LSM7: variants seen among roughly 807,000 people sequenced by gnomAD.
LSM7 encodes LSM7 homolog, U6 small nuclear RNA and mRNA degradation associated.
A neutral mutation model predicts 14.1 loss-of-function variants in LSM7; 13 were observed. That is an observed-to-expected ratio of 0.92 (90% confidence interval 0.60 to 1.47). The LOEUF (loss-of-function observed/expected upper bound fraction) is 1.47, where lower values mean the gene tolerates loss of function less well. Ranked by LOEUF, LSM7 falls within the 40% of genes most tolerant of loss-of-function variation. LSM7 has a pLI of 0.00. For synonymous variants in LSM7, 70 were observed against 57.1 expected (o/e 1.23, Z -1.02); for missense variants, 108 against 140.8 (o/e 0.77, Z 1.18).
At chr19:2,326,107 C>T (rs947672171) in intron 2 of LSM7, 2 of 152,214 alleles carry the variant, frequency 1.3e-5, no homozygotes, top group African/African-American at 2.4e-5. Flanking sequence ...CCAAGGTGCC[C>T]CTCCTCTGGA....
intron 3 of LSM7, among the ~76,000 whole-genome samples, chr19:2,323,753 C>A (rs1049901793): frequency 6.6e-6 from 1 of 152,168 alleles, no homozygotes; most frequent in African/African-American, 2.4e-5. Context: ...TGCCTGGCCT[C>A]TCACGTCACC....
At chr19:2,326,017 G>A (rs1369482813) in intron 2 of LSM7, 1 of 152,224 alleles carries the variant, frequency 6.6e-6, no homozygotes, top group Non-Finnish European at 1.5e-5. Flanking sequence ...TCAGGTCCTT[G>A]GCACCAGCCT....
intron 2 of LSM7, 46 bp downstream of exon 2, chr19:2,328,341 T>G (rs1158967518): frequency 6.5e-7 from 1 of 1,533,774 alleles, no homozygotes; most frequent in East Asian, 2.3e-5. Context: ...GCTGGGTTTA[T>G]TTGAAATTTT....
rs563681827 is a variant in LSM7, at chr19:2,321,933, C to T, written c.170-111G>A. The T allele has an allele frequency of 2.2e-4, 234 of 1,054,128 alleles. No individual in the cohort carries two copies. The South Asian group carries it at 4.7e-3, about 21-fold the overall frequency. The allele number at this position is 1,054,128 out of a possible 1,614,324, so 65.3% of individuals were successfully genotyped here. ...CCCCACCTGCACCCTGCAGGCGCCA[C>T]GAGCACGCAGGGACCTCAGACGGGA... On this transcript the variant is annotated intron_variant, in intron 3 of 3. Coordinates refer to ENST00000252622, the MANE Select transcript of LSM7 (RefSeq NM_016199.3). The surrounding 1 kb of genome is among the most constrained non-coding windows in gnomAD (Gnocchi z 5.0).
At chr19:2,324,099 C>G (rs1302862073) in intron 3 of LSM7, 26 bp downstream of exon 3, 9 of 1,441,598 alleles carry the variant, frequency 6.2e-6, no homozygotes, top group Non-Finnish European at 8.3e-6. Flanking sequence ...CGTCCCGCTG[C>G]CTGCCTCGGC....
chr19:2,328,037 T>G lies in LSM7; in HGVS notation c.97+350A>C, dbSNP rs1968072679. ...GGCTCATGCCTGAAATCCCAGCAAT[T>G]TAGGGGGCTGAGGCAGGCAGATCGC... On this transcript the variant is annotated intron_variant, in intron 2 of 3. Transcript: ENST00000252622. 6 of 193,336 alleles carry G rather than the reference T, an allele frequency of 3.1e-5. No homozygotes were observed. The South Asian group carries it at 5.3e-4, about 17-fold the overall frequency. The allele number at this position is 193,336 out of a possible 1,614,324, so 12.0% of individuals were successfully genotyped here.
At chr19:2,323,612 A>G (rs991328030) in intron 3 of LSM7, among the ~76,000 whole-genome samples, 3 of 152,052 alleles carry the variant, frequency 2.0e-5, no homozygotes, top group Admixed American at 6.5e-5. Flanking sequence ...CACCACACCC[A>G]GCAATTTTTT....
chr19:2,328,421 C>T lies in LSM7; in HGVS notation c.63G>A (p.Lys21=). ...CTCCCTGGAACTTTACCCGGATCGT[C>T]TTGTCGATGTACTTGGACAAGTCCA... ...SILDLSKYID[K]TIRVKFQGGR... Residue 21 remains lysine, a synonymous_variant, in exon 2 of 4, where the codon AAG becomes AAA. Transcript: ENST00000252622. 6.2e-7 allele frequency: 1 copy of T among 1,613,982 alleles called. No individual in the cohort carries two copies. The highest frequency in any genetic ancestry group is 8.5e-7 in the Non-Finnish European group (1 of 1,179,890).
At chr19:2,328,042 G>A (rs1968073014) in intron 2 of LSM7, 1 of 200,702 alleles carries the variant, frequency 5.0e-6, no homozygotes. Context: ...GCAATTTAGG[G>A]GGCTGAGGCA....
chr19:2,325,524 G>A (rs1172576811), intron 2 of LSM7, among the ~76,000 whole-genome samples: 1 of 151,972 alleles, frequency 6.6e-6, no homozygotes, highest in African/African-American at 2.4e-5. Context: ...CACCAATCTC[G>A]GGAAGCAGGC....
At position 2,324,208 on chromosome 19, in the gene LSM7, C is replaced by A. The variant is rs1360362131; in HGVS notation, c.98-12G>T. The A allele has an allele frequency of 6.4e-7, 1 of 1,567,520 alleles. No homozygotes were observed. Among genetic ancestry groups the A allele is most frequent in the Admixed American group, 1.9e-5 (1 of 53,198 alleles). ...CAGGATTCCACTGGCTTGGAGAAAT[C>A]ACCGGGGGAGAGAAAAGAGAAGGCA... On this transcript the variant is annotated splice_polypyrimidine_tract_variant and intron_variant, in intron 2 of 3. Coordinates refer to ENST00000252622, the MANE Select transcript of LSM7 (RefSeq NM_016199.3).
At chr19:2,326,662 G>A (rs1043467077) in intron 2 of LSM7, among the ~76,000 whole-genome samples, 1 of 152,174 alleles carries the variant, frequency 6.6e-6, no homozygotes, top group African/African-American at 2.4e-5. Context: ...GTAGAGATGG[G>A]GTTTCGCCAT....
chr19:2,322,709 C>T (rs1967952788), intron 3 of LSM7, among the ~76,000 whole-genome samples: 1 of 152,034 alleles, frequency 6.6e-6, no homozygotes, highest in African/African-American at 2.4e-5. Flanking sequence ...ACCATGGGGC[C>T]CAGGTTTTTA....
intron 2 of LSM7, among the ~76,000 whole-genome samples, chr19:2,327,746 A>G (rs963486941): frequency 3.9e-5 from 6 of 152,214 alleles, no homozygotes; most frequent in African/African-American, 1.4e-4. Flanking sequence ...CCAGTTGTCT[A>G]CAATCCAGGG....
chr19:2,324,063 T>G, intron 3 of LSM7, 62 bp downstream of exon 3: 21 of 315,068 alleles, frequency 6.7e-5, no homozygotes, highest in Non-Finnish European at 1.1e-4. Flanking sequence ...CTCGTCCCGC[T>G]GCCCCCCTCA....
intron 2 of LSM7, 106 bp from the exon 3 acceptor site, chr19:2,324,302 G>A: frequency 1.1e-6 from 1 of 871,986 alleles, no homozygotes; most frequent in Non-Finnish European, 1.9e-6. Context: ...CTCCAGGGAT[G>A]GAGGACTGAG....
intron 2 of LSM7, among the ~76,000 whole-genome samples, chr19:2,325,173 A>C (rs12983575): frequency 0.7 from 106,908 of 152,016 alleles, 38,490 homozygotes; most frequent in Non-Finnish European, 0.79. Context: ...CAACTTGCCA[A>C]CTTAGGTTAG....
chr19:2,325,343 A>C (rs935267139), intron 2 of LSM7, among the ~76,000 whole-genome samples: 2 of 149,728 alleles, frequency 1.3e-5, no homozygotes, highest in Non-Finnish European at 3.0e-5. Flanking sequence ...CCTGCAGCCG[A>C]GGCCCAGCAG....
intron 2 of LSM7, 55 bp from the exon 3 acceptor site, chr19:2,324,251 G>A (rs371092273): frequency 1.1e-5 from 15 of 1,387,542 alleles, no homozygotes; most frequent in Non-Finnish European, 1.3e-5. Context: ...CGTCCTGGGC[G>A]CAGGGCCCGC....
Sources: gnomAD v4.1 joint callset for allele counts (sites outside exome capture counted in the v4.1 genomes callset) on GRCh38, gnomAD v4.1.1 for gene constraint, Gnocchi (gnomAD v3.1) non-coding constraint, MANE v1.5 for transcripts, NCBI Gene and HGNC (gene_info 2026-07-23, HGNC 2026-07-21) for gene names.